GSTA2: variants seen among roughly 807,000 people sequenced by gnomAD.
GSTA2 encodes the protein glutathione S-transferase alpha 2.
In GSTA2, 27 loss-of-function variants were observed where a neutral mutation model predicts 22.4. The observed-to-expected ratio is 1.21, with a 90% CI of 0.89 to 1.67. The LOEUF is 1.67. Ranked by LOEUF, GSTA2 falls within the 40% of genes most tolerant of loss-of-function variation. The pLI is 0.00. For synonymous variants in GSTA2, 121 were observed against 86.8 expected, an observed-to-expected ratio of 1.39 and a Z score of -2.19; for missense variants, 302 against 260.2, an observed-to-expected ratio of 1.16 and a Z score of -1.11.
intron 1 of GSTA2, among the ~76,000 whole-genome samples, chr6:52,758,863 C>T (rs188278261): frequency 6.6e-6 from 1 of 152,298 alleles, no homozygotes; most frequent in Non-Finnish European, 1.5e-5. Context: ...TTCTAAACTT[C>T]TCTTTGTTTT....
chr6:52,753,708 C>A (rs111561168), intron 4 of GSTA2, among the ~76,000 whole-genome samples: 2 of 152,296 alleles, frequency 1.3e-5, no homozygotes, highest in African/African-American at 4.8e-5. Flanking sequence ...AAAACAAGAG[C>A]TTTACTGATG....
intron 6 of GSTA2, 127 bp downstream of exon 6, chr6:52,751,450 G>A (rs929504381): frequency 5.8e-6 from 9 of 1,554,072 alleles, no homozygotes; most frequent in Non-Finnish European, 7.0e-6. Context: ...GCTCATTTTG[G>A]AGACCTTGGG....
At position 52,750,607 on chromosome 6, in the gene GSTA2, T is replaced by G; in HGVS notation, c.639A>C (p.Leu213Phe). 6.2e-7 allele frequency: 1 copy of G among 1,613,944 alleles called. No homozygotes were observed. The highest frequency in any genetic ancestry group is 8.5e-7 in the Non-Finnish European group (1 of 1,179,844). Reference sequence around the variant, plus strand: ...ACCTGAAAATCTTCCTTGATTCTTCTAAAGATTTCTCATCCATGGGAGGCT... The same window carrying G: ...ACCTGAAAATCTTCCTTGATTCTTCGAAAGATTTCTCATCCATGGGAGGCT... ...PRKPPMDEKS[L>F]EESRKIFRF is the part of the protein sequence containing the mutation. Residue 213 changes from leucine to phenylalanine, a missense_variant, in exon 7 of 7, where the codon TTA becomes TTC. Leu to Phe is a conservative substitution (Grantham distance 22). Coordinates refer to ENST00000493422, the MANE Select transcript of GSTA2 (RefSeq NM_000846.5).
At chr6:52,755,215 C>CTT (rs10626189) in intron 3 of GSTA2, 140 bp from the exon 4 acceptor site, 101,792 of 694,786 alleles carry the variant, frequency 0.15, 5,005 homozygotes, top group African/African-American at 0.39. Context: ...CTTGAAACAA[C>CTT]TTTTTTTTTT....
chr6:52,759,480 A>G (rs1046287863), intron 1 of GSTA2, among the ~76,000 whole-genome samples: 1 of 150,668 alleles, frequency 6.6e-6, no homozygotes, highest in African/African-American at 2.4e-5. Flanking sequence ...GTTATTAAAC[A>G]TTAAGATTCT....
chr6:52,761,274 T>C (rs1284791434), intron 1 of GSTA2, among the ~76,000 whole-genome samples: 1 of 152,216 alleles, frequency 6.6e-6, no homozygotes, highest in African/African-American at 2.4e-5. Flanking sequence ...ATCTTCTTTC[T>C]TTGATCTATC....
chr6:52,753,247 C>T (rs1314669565), intron 4 of GSTA2, among the ~76,000 whole-genome samples: 4 of 152,082 alleles, frequency 2.6e-5, no homozygotes, highest in Admixed American at 2.0e-4. Flanking sequence ...TTTTGTTACA[C>T]GCATGACCTA....
chr6:52,751,608 G>A lies in GSTA2; in HGVS notation c.515C>T (p.Ser172Phe), dbSNP rs775716466. Reference protein sequence around the residue: ...ELLYYVEELDSSLISSFPLLK... With the variant: ...ELLYYVEELDFSLISSFPLLK... Reference sequence around the variant, plus strand: ...CAGAGGGAAGCTGGAAATAAGGCTAGAGTCAAGCTCTTCCACGTAGTAGAG... The same window carrying A: ...CAGAGGGAAGCTGGAAATAAGGCTAAAGTCAAGCTCTTCCACGTAGTAGAG... Residue 172 changes from serine (S) to phenylalanine (F), a missense_variant, in exon 6 of 7, where the codon TCT becomes TTT. Ser to Phe is a radical substitution (Grantham distance 155, BLOSUM62 -2). Transcript: ENST00000493422. 1 of 1,614,116 alleles carries A rather than the reference G, an allele frequency of 6.2e-7. No individual in the cohort carries two copies. The highest frequency in any genetic ancestry group is 1.1e-5 in the South Asian group (1 of 91,082).
At chr6:52,762,995 C>T (rs939811952) in intron 1 of GSTA2, among the ~76,000 whole-genome samples, 2 of 152,188 alleles carry the variant, frequency 1.3e-5, no homozygotes, top group Non-Finnish European at 2.9e-5. Context: ...GTCCTCCTAA[C>T]ATTCAAACTA....
intron 3 of GSTA2, among the ~76,000 whole-genome samples, chr6:52,755,468 C>A (rs1169873243): frequency 6.6e-6 from 1 of 152,192 alleles, no homozygotes; most frequent in Non-Finnish European, 1.5e-5. Flanking sequence ...CCTGCCTCAG[C>A]CTCCCAAATT....
intron 2 of GSTA2, 54 bp downstream of exon 2, chr6:52,757,807 T>A: frequency 7.0e-7 from 1 of 1,430,886 alleles, no homozygotes; most frequent in Non-Finnish European, 9.9e-7. Context: ...GTGGGAAAAG[T>A]ATGTGATAAC....
chr6:52,755,215 CTTT>C (rs10626189), intron 3 of GSTA2, 140 bp from the exon 4 acceptor site: 1,258 of 705,644 alleles, frequency 1.8e-3, no homozygotes, highest in Non-Finnish European at 1.9e-3. Flanking sequence ...CTTGAAACAA[CTTT>C]TTTTTTTTTT....
chr6:52,760,252 T>G (rs898978454), intron 1 of GSTA2, among the ~76,000 whole-genome samples: 1 of 152,206 alleles, frequency 6.6e-6, no homozygotes, highest in African/African-American at 2.4e-5. Context: ...TCGAGGATCA[T>G]GTTTCAAAAG....
At chr6:52,756,026 G>T (rs567861834) in intron 3 of GSTA2, among the ~76,000 whole-genome samples, 2 of 152,068 alleles carry the variant, frequency 1.3e-5, no homozygotes, top group African/African-American at 4.8e-5. Context: ...GCTTTCTCAG[G>T]GGTGGGAGAT....
Position 52,750,667 on chromosome 6 carries a change from T to C in GSTA2, c.579A>G (p.Thr193=). ...ALKTRISNLP[T]VKKFLQPGSP... Reference sequence around the variant, plus strand: ...TGCCAGGCTGTAGAAACTTCTTCACTGTGGGCAGGTTACTGATTCTGGTTT... The same window carrying C: ...TGCCAGGCTGTAGAAACTTCTTCACCGTGGGCAGGTTACTGATTCTGGTTT... Residue 193 remains threonine, a synonymous_variant, in exon 7 of 7, where the codon ACA becomes ACG. Coordinates refer to ENST00000493422, the MANE Select transcript of GSTA2 (RefSeq NM_000846.5). The C allele has an allele frequency of 6.2e-7, 1 of 1,613,270 alleles. No individual in the cohort carries two copies. Among genetic ancestry groups the C allele is most frequent in the Non-Finnish European group, 8.5e-7 (1 of 1,179,810 alleles).
chr6:52,759,819 G>A (rs1214461664), intron 1 of GSTA2, among the ~76,000 whole-genome samples: 1 of 151,810 alleles, frequency 6.6e-6, no homozygotes, highest in African/African-American at 2.4e-5. Flanking sequence ...TCTGACCCCA[G>A]GTGATCCACT....
intron 1 of GSTA2, among the ~76,000 whole-genome samples, chr6:52,761,266 C>A (rs1762945334): frequency 6.6e-6 from 1 of 152,154 alleles, no homozygotes; most frequent in Non-Finnish European, 1.5e-5. Context: ...GCCCATGGAT[C>A]TTCTTTCTTT....
chr6:52,759,997 A>C (rs1380370276), intron 1 of GSTA2, among the ~76,000 whole-genome samples: 1 of 152,206 alleles, frequency 6.6e-6, no homozygotes, highest in Non-Finnish European at 1.5e-5. Context: ...GAAAGTAAAG[A>C]ATTCTTTGAA....
At position 52,757,991 on chromosome 6, in the gene GSTA2, T is replaced by A. The variant is rs150418183; in HGVS notation, c.-30-14A>T. The stretch of plus-strand genomic sequence containing the variant: ...GTTTCTCTAAGCCTGAGTGAATGAA[T>A]GAATGAATGAATGAATAATTGAAAC... On this transcript the variant is annotated splice_polypyrimidine_tract_variant and intron_variant, in intron 1 of 6. Coordinates refer to ENST00000493422, the MANE Select transcript of GSTA2 (RefSeq NM_000846.5). 4.0e-4 allele frequency: 506 copies of A among 1,274,880 alleles called. 5 individuals carry two copies. The African/African-American group carries it at 5.5e-3, about 14-fold the overall frequency. 79.0% of individuals were successfully genotyped at this position (1,274,880 alleles called of 1,614,324 possible).
Sources: allele counts gnomAD v4.1 joint callset (sites outside exome capture counted in the v4.1 genomes callset), GRCh38; gene constraint gnomAD v4.1.1; transcripts MANE v1.5; gene names NCBI Gene and HGNC (gene_info 2026-07-23, HGNC 2026-07-21).